The following MAMLD1 variants were observed in gnomAD, a reference collection of about 807,000 sequenced individuals.
The protein encoded by MAMLD1 is mastermind like domain containing 1.
In MAMLD1, 14 loss-of-function variants were observed where a neutral mutation model predicts 45.0. That is an observed-to-expected ratio of 0.31 (90% CI 0.21 to 0.49). MAMLD1 has a LOEUF of 0.49. Among genes scored for constraint, MAMLD1 ranks in the 20% least tolerant of loss-of-function variants. The pLI is 0.99. For missense variants in MAMLD1, 543 were observed against 603.6 expected, an observed-to-expected ratio of 0.90 and a Z score of 1.05; for synonymous variants, 254 against 247.8, an observed-to-expected ratio of 1.02 and a Z score of -0.24.
chrX:150,469,635 G>GTCTC (rs781945210), intron 3 of MAMLD1, 110 bp from the exon 4 acceptor site: 84 of 373,414 alleles, frequency 2.2e-4, no homozygotes, highest in Admixed American at 9.8e-4. Context: ...CTTTCTCTCT[G>GTCTC]TCTCTCTCTC....
chrX:150,503,929 C>A (rs1557408702), intron 6 of MAMLD1: 2 of 323,927 alleles, frequency 6.2e-6, no homozygotes, highest in Non-Finnish European at 8.1e-6. Flanking sequence ...ACCTCCGAAG[C>A]CCTGCACCTG....
chrX:150,512,631 A>T lies in MAMLD1; in HGVS notation c.*672A>T. Reference sequence around the variant, plus strand: ...CTGCTGGGCAGCCAGAGCCTCAGGCAGAGCCCGGTACAGGGCCCGGTGCCT... The same window carrying T: ...CTGCTGGGCAGCCAGAGCCTCAGGCTGAGCCCGGTACAGGGCCCGGTGCCT... On this transcript the variant is annotated 3_prime_UTR_variant, in exon 8 of 8. Coordinates refer to ENST00000370401, the MANE Select transcript of MAMLD1 (RefSeq NM_005491.5). 8.7e-7 allele frequency: 1 copy of T among 1,150,081 alleles called. No individual in the cohort carries two copies. The highest frequency in any genetic ancestry group is 1.2e-6 in the Non-Finnish European group (1 of 869,225). 94.8% of individuals were successfully genotyped at this position (1,150,081 alleles called of 1,213,427 possible). A position where few individuals can be genotyped will look rare whatever the true frequency, so the allele number is the denominator to read the frequency against.
chrX:150,459,229 A>G (rs1198807285), intron 2 of MAMLD1, among the ~76,000 whole-genome samples: 1 of 111,592 alleles, frequency 9.0e-6, no homozygotes, highest in African/African-American at 3.3e-5. Flanking sequence ...TTCCCCCAGG[A>G]GGCCCTGGAC....
At chrX:150,393,289 T>C (rs1280903940) in intron 1 of MAMLD1, among the ~76,000 whole-genome samples, 2 of 112,286 alleles carry the variant, frequency 1.8e-5, no homozygotes, top group Non-Finnish European at 3.8e-5. Context: ...CTCATTTATT[T>C]TTAGTGCTGA....
chrX:150,454,868 A>C (rs2035794348), intron 2 of MAMLD1, among the ~76,000 whole-genome samples: 2 of 110,000 alleles, frequency 1.8e-5, no homozygotes, highest in African/African-American at 6.7e-5. Context: ...CACCACATCC[A>C]CCACCATTAC....
At chrX:150,419,526 C>A (rs1395618429) in intron 1 of MAMLD1, among the ~76,000 whole-genome samples, 1 of 107,582 alleles carries the variant, frequency 9.3e-6, no homozygotes, top group Non-Finnish European at 1.9e-5. Context: ...GCAGTTTCTT[C>A]CTAGTCTCGA....
intron 3 of MAMLD1, among the ~76,000 whole-genome samples, chrX:150,464,291 G>A (rs2036149576): frequency 9.0e-6 from 1 of 111,680 alleles, no homozygotes; most frequent in Non-Finnish European, 1.9e-5. Flanking sequence ...GTAGGTCGAG[G>A]TTCTTGCTCC....
chrX:150,434,392 C>A (rs2035054270), intron 1 of MAMLD1, among the ~76,000 whole-genome samples: 1 of 110,951 alleles, frequency 9.0e-6, no homozygotes, highest in South Asian at 3.8e-4. Context: ...TTTTTCACAT[C>A]TTTTCCCTCA....
At chrX:150,476,313 C>T (rs1368582483) in intron 5 of MAMLD1, among the ~76,000 whole-genome samples, 1 of 112,345 alleles carries the variant, frequency 8.9e-6, no homozygotes, top group African/African-American at 3.2e-5. Context: ...ATCTGATGTC[C>T]CTTCTCCCTG....
At chrX:150,409,280 G>T (rs1428858197) in intron 1 of MAMLD1, among the ~76,000 whole-genome samples, 1 of 111,702 alleles carries the variant, frequency 9.0e-6, no homozygotes. Flanking sequence ...TGCTCCATGC[G>T]CCAGTTCATG....
intron 1 of MAMLD1, among the ~76,000 whole-genome samples, chrX:150,432,899 T>G (rs1488895920): frequency 8.9e-6 from 1 of 112,026 alleles, no homozygotes; most frequent in Non-Finnish European, 1.9e-5. Flanking sequence ...ACTATTTCAG[T>G]TTCTTTTAGG....
At chrX:150,435,934 T>C (rs1315070443) in intron 1 of MAMLD1, among the ~76,000 whole-genome samples, 1 of 112,539 alleles carries the variant, frequency 8.9e-6, no homozygotes, top group African/African-American at 3.2e-5. Context: ...CCTTCACATT[T>C]GCTAGTCTGA....
intron 5 of MAMLD1, among the ~76,000 whole-genome samples, chrX:150,481,365 A>C (rs6627565): frequency 0.11 from 12,252 of 112,423 alleles, 625 homozygotes; most frequent in Non-Finnish European, 0.15. Flanking sequence ...ACAGAGAGAG[A>C]AAATAACAAG....
chrX:150,385,381 T>A (rs782810726), intron 1 of MAMLD1, among the ~76,000 whole-genome samples: 1 of 110,846 alleles, frequency 9.0e-6, no homozygotes, highest in African/African-American at 3.3e-5. Flanking sequence ...AATCCACTTA[T>A]AACTTTTGAC....
At chrX:150,401,829 C>T (rs1357716603) in intron 1 of MAMLD1, among the ~76,000 whole-genome samples, 1 of 110,571 alleles carries the variant, frequency 9.0e-6, no homozygotes, top group East Asian at 2.8e-4. Flanking sequence ...GAAAGGATTC[C>T]CTATTTAATA....
chrX:150,450,760 C>A (rs1389891254), intron 2 of MAMLD1, among the ~76,000 whole-genome samples: 1 of 111,536 alleles, frequency 9.0e-6, no homozygotes, highest in Non-Finnish European at 1.9e-5. Context: ...TGTGTCCTGA[C>A]CCCTGAGGAT....
At chrX:150,422,720 A>T (rs1324023266) in intron 1 of MAMLD1, among the ~76,000 whole-genome samples, 6 of 112,141 alleles carry the variant, frequency 5.4e-5, no homozygotes, top group African/African-American at 1.9e-4. Context: ...CCTAGCCTGG[A>T]CTTTATAATC....
chrX:150,391,526 A>T (rs2033179632), intron 1 of MAMLD1, among the ~76,000 whole-genome samples: 1 of 110,318 alleles, frequency 9.1e-6, no homozygotes, highest in Non-Finnish European at 1.9e-5. Context: ...TTGTTATTGT[A>T]TTTTTCAGTT....
At chrX:150,490,238 A>G (rs782257725) in intron 5 of MAMLD1, among the ~76,000 whole-genome samples, 2 of 112,349 alleles carry the variant, frequency 1.8e-5, no homozygotes, top group African/African-American at 6.5e-5. Flanking sequence ...GTAGACAGCT[A>G]CAGGAACAGA....
Sources: gnomAD v4.1 joint callset for allele counts (sites outside exome capture counted in the v4.1 genomes callset) on GRCh38, gnomAD v4.1.1 for gene constraint, MANE v1.5 for transcripts, NCBI Gene and HGNC (gene_info 2026-07-23, HGNC 2026-07-21) for gene names.